Variants in GEMIN8 observed in about 807,000 individuals in gnomAD.
GEMIN8 encodes gem-associated protein 8.
For missense variants in GEMIN8, 185 were observed against 205.9 expected, an observed-to-expected ratio of 0.90 and a Z score of 0.62; for synonymous variants, 80 against 78.5, an observed-to-expected ratio of 1.02 and a Z score of -0.10.
At chrX:14,006,598 C>G (rs1476973832), downstream of GEMIN8, among the ~76,000 whole-genome samples, 1 of 111,559 alleles carries the variant, frequency 9.0e-6, no homozygotes, top group Non-Finnish European at 1.9e-5. Flanking sequence ...GAAGGATGGG[C>G]TGGCATGAGG....
chrX:14,028,276 T>C (rs1032368043), intron 1 of GEMIN8, among the ~76,000 whole-genome samples: 6 of 111,613 alleles, frequency 5.4e-5, no homozygotes, highest in African/African-American at 2.0e-4. Context: ...GCTGCTGAAA[T>C]TGTTGAGCTT....
At chrX:13,995,607 G>C in the GEMIN8 span, among the ~76,000 whole-genome samples, 2 of 111,398 alleles carry the variant, frequency 1.8e-5, no homozygotes, top group East Asian at 5.6e-4. Flanking sequence ...ATGTCTTCTG[G>C]AAGTTCTAGG....
the GEMIN8 span, among the ~76,000 whole-genome samples, chrX:13,993,772 AC>A: frequency 9.0e-6 from 1 of 110,731 alleles, no homozygotes; most frequent in African/African-American, 3.3e-5. Flanking sequence ...ACTTTCCTTC[AC>A]TGTTCTTTTA....
intron 4 of GEMIN8, chrX:14,014,246 T>G: frequency 1.3e-6 from 1 of 752,989 alleles, no homozygotes; most frequent in Non-Finnish European, 1.6e-6. Flanking sequence ...TGAATAATTG[T>G]AGCACAACCG....
chrX:13,993,567 C>T, the GEMIN8 span, among the ~76,000 whole-genome samples: 1 of 107,721 alleles, frequency 9.3e-6, no homozygotes, highest in South Asian at 4.1e-4. Flanking sequence ...AGGCATGCAC[C>T]ACCATGCCTG....
chrX:14,021,371 T>A, intron 3 of GEMIN8, 93 bp downstream of exon 3: 1 of 525,394 alleles, frequency 1.9e-6, no homozygotes, highest in South Asian at 2.8e-5. Flanking sequence ...GTTGTGCGCA[T>A]GTACCCTAAA....
intron 2 of GEMIN8, 158 bp downstream of exon 2, chrX:14,025,982 G>A (rs1924670145): frequency 1.7e-6 from 1 of 602,699 alleles, no homozygotes; most frequent in Non-Finnish European, 2.0e-6. Flanking sequence ...TAATAAGAAT[G>A]CCTGGGTTTC....
the GEMIN8 span, among the ~76,000 whole-genome samples, chrX:13,991,481 G>A: frequency 3.6e-5 from 4 of 111,753 alleles, no homozygotes; most frequent in Non-Finnish European, 7.5e-5. Context: ...ATTGACTTGT[G>A]TCATTTTTGA....
chrX:14,015,567 C>T (rs1262326302), intron 4 of GEMIN8, among the ~76,000 whole-genome samples: 3 of 112,086 alleles, frequency 2.7e-5, no homozygotes, highest in African/African-American at 9.7e-5. Flanking sequence ...AAAGAACATA[C>T]TGTCCAATCT....
intron 4 of GEMIN8, 53 bp from the exon 5 acceptor site, chrX:14,009,222 CAGA>C (rs894394476): frequency 6.1e-6 from 7 of 1,140,968 alleles, no homozygotes; most frequent in South Asian, 3.9e-5. Flanking sequence ...GTGTGCACTG[CAGA>C]AGGAGCCCAG....
chrX:13,992,344 G>A, the GEMIN8 span, among the ~76,000 whole-genome samples: 3 of 111,615 alleles, frequency 2.7e-5, no homozygotes, highest in African/African-American at 9.8e-5. Flanking sequence ...TGGAGGCATT[G>A]CAGTTTTAAG....
the GEMIN8 span, among the ~76,000 whole-genome samples, chrX:13,996,363 G>C: frequency 8.9e-6 from 1 of 112,049 alleles, no homozygotes; most frequent in Non-Finnish European, 1.9e-5. Flanking sequence ...ACCCAAGACT[G>C]AGCAATTTAC....
At chrX:13,989,972 C>G in the GEMIN8 span, among the ~76,000 whole-genome samples, 2 of 112,557 alleles carry the variant, frequency 1.8e-5, no homozygotes, top group Non-Finnish European at 3.7e-5. Context: ...GCACTGCAAA[C>G]CAGTACTGTC....
chrX:14,026,265 G>A (rs1399243128), intron 1 of GEMIN8, 44 bp from the exon 2 acceptor site: 7 of 749,494 alleles, frequency 9.3e-6, no homozygotes, highest in South Asian at 6.9e-5. Context: ...GCCGGGATCC[G>A]CAGCTCTACA....
At chrX:14,024,223 A>G (rs1924545035) in intron 2 of GEMIN8, among the ~76,000 whole-genome samples, 1 of 112,144 alleles carries the variant, frequency 8.9e-6, no homozygotes, top group South Asian at 3.7e-4. Flanking sequence ...GAGGGGCCAG[A>G]CACTGTGGCT....
chrX:14,019,817 G>A (rs1312914089), intron 4 of GEMIN8, among the ~76,000 whole-genome samples: 2 of 110,966 alleles, frequency 1.8e-5, no homozygotes, highest in South Asian at 3.9e-4. Context: ...ATTTGGTAGA[G>A]TGTCTAATGG....
chrX:14,021,814 G>GTA (rs147147045), intron 2 of GEMIN8, among the ~76,000 whole-genome samples: 12,164 of 77,386 alleles, frequency 0.16, 970 homozygotes, highest in Admixed American at 0.19. Flanking sequence ...TAATGTGTGT[G>GTA]TATATATATA....
At chrX:14,009,835 A>G (rs1310234577) in intron 4 of GEMIN8, among the ~76,000 whole-genome samples, 1 of 111,874 alleles carries the variant, frequency 8.9e-6, no homozygotes, top group African/African-American at 3.3e-5. Context: ...GGGGGAAAAA[A>G]TCACTCCTTT....
chrX:13,986,642 C>A, the GEMIN8 span, among the ~76,000 whole-genome samples: 5 of 112,474 alleles, frequency 4.4e-5, no homozygotes, highest in African/African-American at 1.6e-4. Context: ...AGGTGCCTGG[C>A]AGCAGCCACA....
Sources: gnomAD v4.1 joint callset for allele counts (sites outside exome capture counted in the v4.1 genomes callset) on GRCh38, gnomAD v4.1.1 for gene constraint, MANE v1.5 for transcripts, NCBI Gene and HGNC (gene_info 2026-07-23, HGNC 2026-07-21) for gene names.